CAMTA1: variants seen among roughly 807,000 people sequenced by gnomAD.
CAMTA1 encodes calmodulin-binding transcription activator 1.
Under a neutral mutation model 170.9 loss-of-function variants are expected in CAMTA1, and 27 were observed. The observed-to-expected ratio is 0.16, with a 90% CI of 0.12 to 0.22. The LOEUF (loss-of-function observed/expected upper bound fraction) is 0.22, where lower values mean the gene tolerates loss of function less well. Ranked by LOEUF, CAMTA1 falls within the 10% of genes least tolerant of loss-of-function variation. The pLI is 1.00. For missense variants in CAMTA1, 1,619 were observed against 2,217.2 expected (o/e 0.73, Z 5.42); for synonymous variants, 833 against 891.5 (o/e 0.93, Z 1.17).
chr1:7,492,558 C>T (rs976480167), intron 6 of CAMTA1, among the ~76,000 whole-genome samples: 12 of 151,812 alleles, frequency 7.9e-5, no homozygotes, highest in African/African-American at 2.2e-4. Flanking sequence ...AACACACACA[C>T]GCACGCACAT....
chr1:7,035,823 A>C (rs908843495), intron 3 of CAMTA1, among the ~76,000 whole-genome samples: 1 of 152,228 alleles, frequency 6.6e-6, no homozygotes, highest in Admixed American at 6.5e-5. Flanking sequence ...ATTCGGAAAC[A>C]ATTTAAAGTT....
chr1:7,759,233 T>C (rs2096956593), intron 22 of CAMTA1, among the ~76,000 whole-genome samples: 1 of 152,170 alleles, frequency 6.6e-6, no homozygotes, highest in Non-Finnish European at 1.5e-5. Context: ...TAAACACTAA[T>C]ACTGACCCAA....
At position 6,934,071 on chromosome 1, in the gene CAMTA1, T is replaced by A. The variant is rs945197411; in HGVS notation, c.234+108861T>A. ...ATTGCTCTCTGCAGATGGCCTCTTC[T>A]GGAGCTATGCCACCTGCTGTCCTGC... On this transcript the variant is annotated intron_variant, in intron 3 of 22. Coordinates refer to ENST00000303635, the MANE Select transcript of CAMTA1 (RefSeq NM_015215.4). The surrounding 1 kb of genome is among the most constrained non-coding windows in gnomAD (Gnocchi z 4.5). Among the ~76,000 whole-genome samples, 1 of 152,244 alleles carries A rather than the reference T, an allele frequency of 6.6e-6. No individual in the cohort carries two copies. Among genetic ancestry groups the A allele is most frequent in the African/African-American group, 2.4e-5 (1 of 41,468 alleles).
chr1:7,733,619 G>A (rs544153353), intron 12 of CAMTA1, among the ~76,000 whole-genome samples: 27 of 152,200 alleles, frequency 1.8e-4, no homozygotes, highest in African/African-American at 6.5e-4. Context: ...GGACCCTAGA[G>A]ATAAATTTAA....
At chr1:7,524,057 C>T (rs1381379586) in intron 6 of CAMTA1, among the ~76,000 whole-genome samples, 3 of 151,752 alleles carry the variant, frequency 2.0e-5, no homozygotes, top group Non-Finnish European at 2.9e-5. Context: ...CAAAAATTAG[C>T]TGGGCATGGT....
intron 5 of CAMTA1, among the ~76,000 whole-genome samples, chr1:7,461,473 G>A (rs1210569924): frequency 6.6e-6 from 1 of 152,244 alleles, no homozygotes; most frequent in East Asian, 1.9e-4. Flanking sequence ...TGCTGCAACT[G>A]AGGAACTGAA....
intron 3 of CAMTA1, among the ~76,000 whole-genome samples, chr1:7,054,109 T>G (rs1706913626): frequency 6.6e-6 from 1 of 152,228 alleles, no homozygotes; most frequent in African/African-American, 2.4e-5. Context: ...CCACTGGAAC[T>G]TGGGTTGCAC....
At chr1:7,417,252 G>A (rs528272105) in intron 5 of CAMTA1, among the ~76,000 whole-genome samples, 212 of 152,362 alleles carry the variant, frequency 1.4e-3, no homozygotes, top group African/African-American at 4.7e-3. Flanking sequence ...CAGTCTGCCC[G>A]TTCTCAGATC....
chr1:7,220,783 T>C (rs1402597228), intron 4 of CAMTA1, among the ~76,000 whole-genome samples: 1 of 152,268 alleles, frequency 6.6e-6, no homozygotes, highest in Non-Finnish European at 1.5e-5. Context: ...TGGCACCTGC[T>C]GTCCCCTGAC....
intron 4 of CAMTA1, among the ~76,000 whole-genome samples, chr1:7,154,746 G>A (rs186961526): frequency 2.6e-5 from 4 of 152,340 alleles, no homozygotes; most frequent in Admixed American, 2.6e-4. Context: ...CTTGGGAAAG[G>A]AGACTGGTCA....
chr1:7,383,163 G>A (rs1015871030), intron 5 of CAMTA1, among the ~76,000 whole-genome samples: 87 of 152,192 alleles, frequency 5.7e-4, no homozygotes, highest in African/African-American at 1.8e-3. Flanking sequence ...AGTGTGGGTC[G>A]TAACCCTGCA....
chr1:6,926,013 A>G (rs1210720914), intron 3 of CAMTA1, among the ~76,000 whole-genome samples: 1 of 152,168 alleles, frequency 6.6e-6, no homozygotes, highest in Non-Finnish European at 1.5e-5. Flanking sequence ...AGCCACCACT[A>G]CTGCCACTTA....
intron 3 of CAMTA1, among the ~76,000 whole-genome samples, chr1:6,961,849 C>T (rs1690471432): frequency 6.6e-6 from 1 of 152,324 alleles, no homozygotes; most frequent in East Asian, 1.9e-4. Flanking sequence ...CTAGAAGGGG[C>T]GTCTGGCTGG....
chr1:6,926,676 T>TTTTC (rs1339124633), intron 3 of CAMTA1, among the ~76,000 whole-genome samples: 1 of 59,536 alleles, frequency 1.7e-5, no homozygotes, highest in East Asian at 3.4e-4. Flanking sequence ...TTCCCTTTCA[T>TTTTC]TTCCTTCCTT....
At chr1:7,049,982 A>G (rs1257033817) in intron 3 of CAMTA1, among the ~76,000 whole-genome samples, 1 of 152,180 alleles carries the variant, frequency 6.6e-6, no homozygotes, top group Admixed American at 6.5e-5. Flanking sequence ...GGGAAAGTGA[A>G]GGAGGGAATG....
At chr1:7,675,607 G>T (rs1258037757) in intron 10 of CAMTA1, among the ~76,000 whole-genome samples, 3 of 151,960 alleles carry the variant, frequency 2.0e-5, no homozygotes, top group African/African-American at 7.3e-5. Context: ...CCCGGTGCTG[G>T]ATTATGGGCC....
intron 1 of CAMTA1, among the ~76,000 whole-genome samples, chr1:6,791,354 G>A (rs1217006159): frequency 6.6e-6 from 1 of 152,110 alleles, no homozygotes; most frequent in African/African-American, 2.4e-5. Context: ...CCTAAGAATA[G>A]GTAGATGGAA....
intron 4 of CAMTA1, among the ~76,000 whole-genome samples, chr1:7,104,377 C>T (rs1453471524): frequency 2.6e-5 from 4 of 151,946 alleles, no homozygotes; most frequent in Non-Finnish European, 4.4e-5. Flanking sequence ...CATACACACA[C>T]ACACACACAC....
intron 3 of CAMTA1, among the ~76,000 whole-genome samples, chr1:7,082,480 G>GATAA (rs1400623292): frequency 6.6e-6 from 1 of 152,028 alleles, no homozygotes; most frequent in East Asian, 1.9e-4. Flanking sequence ...TAGATAGATA[G>GATAA]ATAGATAGAT....
Sources: gnomAD v4.1 joint callset for allele counts (sites outside exome capture counted in the v4.1 genomes callset) on GRCh38, gnomAD v4.1.1 for gene constraint, Gnocchi (gnomAD v3.1) non-coding constraint, MANE v1.5 for transcripts, NCBI Gene and HGNC (gene_info 2026-07-23, HGNC 2026-07-21) for gene names.